RBFOX1: variants seen among roughly 807,000 people sequenced by gnomAD.
RBFOX1 encodes the protein RNA binding protein fox-1 homolog 1.
RBFOX1 carries 8 observed loss-of-function variants against 57.7 expected under a neutral mutation model. That is an observed-to-expected ratio of 0.14 (90% CI 0.08 to 0.25). The LOEUF is 0.25. Among genes scored for constraint, RBFOX1 ranks in the 10% least tolerant of loss-of-function variants. The probability of loss-of-function intolerance (pLI) is 1.00; values close to 1 mark genes in which losing one functional copy is unlikely to be tolerated. For missense variants in RBFOX1, 611 were observed against 548.5 expected, an observed-to-expected ratio of 1.11 and a Z score of -1.14; for synonymous variants, 326 against 222.4, an observed-to-expected ratio of 1.47 and a Z score of -4.15.
chr16:7,437,045 C>A (rs998715407), intron 4 of RBFOX1, among the ~76,000 whole-genome samples: 1 of 152,184 alleles, frequency 6.6e-6, no homozygotes, highest in South Asian at 2.1e-4. Context: ...CACACCACTG[C>A]ACTCCAGCCT....
chr16:5,992,319 C>T (rs1363488417), intron 4 of RBFOX1, among the ~76,000 whole-genome samples: 1 of 152,206 alleles, frequency 6.6e-6, no homozygotes, highest in Non-Finnish European at 1.5e-5. Flanking sequence ...GTTAACATTG[C>T]TTAGGCAACT....
At chr16:5,485,001 G>A (rs988212909) in intron 2 of RBFOX1, among the ~76,000 whole-genome samples, 2 of 151,968 alleles carry the variant, frequency 1.3e-5, no homozygotes, top group African/African-American at 4.8e-5. Flanking sequence ...TGAAGCTTCC[G>A]TGAGCTATGA....
intron 2 of RBFOX1, among the ~76,000 whole-genome samples, chr16:6,619,531 C>G (rs1236329253): frequency 6.6e-6 from 1 of 152,038 alleles, no homozygotes; most frequent in Non-Finnish European, 1.5e-5. Context: ...GGACTGTAAA[C>G]TCAGCTTAAG....
chr16:6,289,926 T>G (rs185560092), intron 1 of RBFOX1, among the ~76,000 whole-genome samples: 2 of 152,170 alleles, frequency 1.3e-5, no homozygotes, highest in African/African-American at 4.8e-5. Context: ...CTGAATGCCT[T>G]TGATAGTTGA....
chr16:6,720,568 A>G (rs184656087), intron 3 of RBFOX1, among the ~76,000 whole-genome samples: 1 of 152,320 alleles, frequency 6.6e-6, no homozygotes, highest in Non-Finnish European at 1.5e-5. Context: ...CTGAGCTGGA[A>G]GGAGCATGGT....
chr16:6,004,053 T>C (rs549636044), intron 4 of RBFOX1, among the ~76,000 whole-genome samples: 96 of 152,346 alleles, frequency 6.3e-4, no homozygotes, highest in African/African-American at 2.2e-3. Context: ...ATTAAGAATA[T>C]GTACTCTAGG....
At chr16:6,954,989 G>C (rs568539622) in intron 3 of RBFOX1, among the ~76,000 whole-genome samples, 10 of 151,856 alleles carry the variant, frequency 6.6e-5, no homozygotes, top group Non-Finnish European at 1.2e-4. Flanking sequence ...TGAGTACTTT[G>C]GGAGACTGAG....
chr16:5,929,066 A>G (rs777742381), intron 4 of RBFOX1, among the ~76,000 whole-genome samples: 3 of 150,656 alleles, frequency 2.0e-5, no homozygotes, highest in Non-Finnish European at 4.4e-5. Context: ...AGAAAATCCT[A>G]TTTAAACACA....
chr16:5,624,217 C>A (rs779516628), intron 3 of RBFOX1, among the ~76,000 whole-genome samples: 1 of 152,182 alleles, frequency 6.6e-6, no homozygotes, highest in African/African-American at 2.4e-5. Context: ...CTTTTTGAGA[C>A]GGAGTCTCGC....
chr16:6,183,495 TA>T (rs1402757250), intron 1 of RBFOX1, among the ~76,000 whole-genome samples: 4 of 142,440 alleles, frequency 2.8e-5, no homozygotes, highest in Non-Finnish European at 4.6e-5. Flanking sequence ...ATTAAATAAA[TA>T]AATAAATAAA....
intron 2 of RBFOX1, among the ~76,000 whole-genome samples, chr16:5,494,221 G>A (rs560929939): frequency 9.9e-5 from 15 of 152,252 alleles, no homozygotes; most frequent in Admixed American, 3.9e-4. Context: ...TCTCCTTGGC[G>A]GATGCTACCC....
intron 3 of RBFOX1, among the ~76,000 whole-genome samples, chr16:6,755,245 G>C (rs2075598983): frequency 6.6e-6 from 1 of 152,158 alleles, no homozygotes; most frequent in South Asian, 2.1e-4. Context: ...GGGTCAAATG[G>C]TATTTCTAGT....
At chr16:6,728,486 A>G (rs1194003436) in intron 3 of RBFOX1, among the ~76,000 whole-genome samples, 1 of 152,240 alleles carries the variant, frequency 6.6e-6, no homozygotes, top group Non-Finnish European at 1.5e-5. Context: ...ATTACATAAT[A>G]TAAAGGGAAG....
chr16:7,047,111 T>TTA (rs778930638), intron 3 of RBFOX1, among the ~76,000 whole-genome samples: 9 of 150,762 alleles, frequency 6.0e-5, no homozygotes, highest in Non-Finnish European at 1.2e-4. Flanking sequence ...TCCAGTCACC[T>TTA]ATTAACATTT....
intron 2 of RBFOX1, among the ~76,000 whole-genome samples, chr16:6,474,074 G>T (rs967308983): frequency 7.2e-5 from 11 of 152,020 alleles, no homozygotes; most frequent in Non-Finnish European, 1.3e-4. Flanking sequence ...TGCAAACTGT[G>T]GGTCAGATTT....
At chr16:7,655,770 C>T (rs1451445921) in intron 12 of RBFOX1, among the ~76,000 whole-genome samples, 2 of 152,126 alleles carry the variant, frequency 1.3e-5, no homozygotes, top group Non-Finnish European at 2.9e-5. Flanking sequence ...TATCTACCAT[C>T]AGTATCTCAC....
At chr16:7,530,836 A>T (rs114524361) in intron 5 of RBFOX1, among the ~76,000 whole-genome samples, 744 of 152,322 alleles carry the variant, frequency 4.9e-3, no homozygotes, top group African/African-American at 0.017. Flanking sequence ...GACAGTCTGG[A>T]GATCCAGGGA....
At chr16:6,926,019 A>G (rs2075515927) in intron 3 of RBFOX1, among the ~76,000 whole-genome samples, 1 of 152,098 alleles carries the variant, frequency 6.6e-6, no homozygotes, top group Admixed American at 6.6e-5. Context: ...CAAAAACCTC[A>G]ACTTGCTGGC....
rs187376568 is a variant in RBFOX1, at chr16:7,071,837, T to C, written c.27+19739T>C. Among the ~76,000 whole-genome samples, 4 of 152,212 alleles carry C rather than the reference T, an allele frequency of 2.6e-5. 1 individual carries two copies. Among genetic ancestry groups the C allele is most frequent in the African/African-American group, 9.6e-5 (4 of 41,550 alleles). On this transcript the variant is annotated intron_variant, in intron 4 of 15. Transcript: ENST00000550418. ...ACACACACACACCTGCCCATTAATCTGCTCTTCCTCCCTTATCATGTCTTT... is the reference window on the plus strand; with the variant it reads ...ACACACACACACCTGCCCATTAATCCGCTCTTCCTCCCTTATCATGTCTTT...
Sources: allele counts gnomAD v4.1 joint callset (sites outside exome capture counted in the v4.1 genomes callset), GRCh38; gene constraint gnomAD v4.1.1; transcripts MANE v1.5; gene names NCBI Gene and HGNC (gene_info 2026-07-23, HGNC 2026-07-21).